Variants in ABCA6 observed in about 807,000 individuals in gnomAD.
ABCA6 encodes the protein ATP binding cassette subfamily A member 6.
A neutral mutation model predicts 191.2 loss-of-function variants in ABCA6; 164 were observed. That is an observed-to-expected ratio of 0.86 (90% CI 0.76 to 0.98). The LOEUF (loss-of-function observed/expected upper bound fraction) is 0.98. Ranked by LOEUF, ABCA6 falls within the 50% of genes least tolerant of loss-of-function variation. The probability of loss-of-function intolerance (pLI) is 0.00; values close to 1 mark genes in which losing one functional copy is unlikely to be tolerated. For synonymous variants in ABCA6, 636 were observed against 647.7 expected (o/e 0.98, Z 0.27); for missense variants, 1,958 against 1,894.1 (o/e 1.03, Z -0.63).
chr17:69,079,376 G>A, intron 37 of ABCA6, 111 bp from the exon 38 acceptor site: 1 of 738,900 alleles, frequency 1.4e-6, no homozygotes, highest in Non-Finnish European at 2.1e-6. Flanking sequence ...AAATAAAGCT[G>A]AATAAGCCAA....
intron 15 of ABCA6, 169 bp from the exon 16 acceptor site, chr17:69,112,442 A>G (rs1384418141): frequency 1.9e-6 from 1 of 536,140 alleles, no homozygotes; most frequent in African/African-American, 1.9e-5. Flanking sequence ...AAATTGATGC[A>G]TTTAAAATGA....
intron 6 of ABCA6, among the ~76,000 whole-genome samples, chr17:69,130,043 C>T (rs757073290): frequency 3.9e-5 from 6 of 151,984 alleles, no homozygotes; most frequent in Admixed American, 2.6e-4. Context: ...AGGCCAGGCA[C>T]GGTGGCTCAT....
chr17:69,141,788 C>A lies in ABCA6; in HGVS notation c.-89G>T, dbSNP rs1347349047. 6.6e-6 allele frequency: 1 copy of A among 152,044 alleles called. No individual in the cohort carries two copies. Among genetic ancestry groups the A allele is most frequent in the African/African-American group, 2.4e-5 (1 of 41,434 alleles). 9.4% of individuals were successfully genotyped at this position (152,044 alleles called of 1,614,324 possible). ...AAGCACTCTAGAAACACTGTCAAAA[C>A]CAGTTCTCTGTTTGTCTAGGTAACG... is the stretch of plus-strand genomic sequence containing the variant. On this transcript the variant is annotated 5_prime_UTR_variant, in exon 1 of 39. Transcript: ENST00000284425.
chr17:69,107,863 A>C (rs771032977), intron 17 of ABCA6, 51 bp from the exon 18 acceptor site: 2 of 1,007,392 alleles, frequency 2.0e-6, no homozygotes, highest in Non-Finnish European at 3.1e-6. Flanking sequence ...ATTGAGAACT[A>C]AACCAAGTAA....
intron 15 of ABCA6, 85 bp from the exon 16 acceptor site, chr17:69,112,358 GA>G (rs2073441278): frequency 5.9e-6 from 6 of 1,014,256 alleles, no homozygotes; most frequent in Non-Finnish European, 9.2e-6. Flanking sequence ...CCAAGGCTCA[GA>G]AGTGCAAAGG....
chr17:69,138,119 T>G (rs1011481123), intron 2 of ABCA6, among the ~76,000 whole-genome samples: 1 of 152,180 alleles, frequency 6.6e-6, no homozygotes, highest in Non-Finnish European at 1.5e-5. Flanking sequence ...ATTCTCACTG[T>G]CCTGGTCCCA....
At chr17:69,121,270 T>C (rs1238321077) in intron 10 of ABCA6, among the ~76,000 whole-genome samples, 1 of 152,084 alleles carries the variant, frequency 6.6e-6, no homozygotes, top group Non-Finnish European at 1.5e-5. Context: ...AGAAACTGCA[T>C]ATACTGTTGG....
chr17:69,105,716 G>T, intron 19 of ABCA6, 88 bp from the exon 20 acceptor site: 1 of 1,032,302 alleles, frequency 9.7e-7, no homozygotes, highest in Non-Finnish European at 1.4e-6. Context: ...TGAGTGCCAA[G>T]CCTGCCTTAT....
chr17:69,096,922 T>TA (rs937508145), intron 23 of ABCA6, 121 bp from the exon 24 acceptor site: 21 of 828,234 alleles, frequency 2.5e-5, no homozygotes, highest in African/African-American at 9.1e-5. Flanking sequence ...CTTCTAATAT[T>TA]AAAAAAAATT....
intron 22 of ABCA6, among the ~76,000 whole-genome samples, chr17:69,098,827 A>G (rs1054865968): frequency 6.6e-6 from 1 of 152,152 alleles, no homozygotes; most frequent in Non-Finnish European, 1.5e-5. Flanking sequence ...GCTAATTGGC[A>G]TCGAGTTTCA....
chr17:69,127,064 T>C (rs1463998028), intron 8 of ABCA6, among the ~76,000 whole-genome samples: 1 of 152,208 alleles, frequency 6.6e-6, no homozygotes, highest in African/African-American at 2.4e-5. Context: ...GATAGTCTAG[T>C]TGATAAATTG....
chr17:69,129,775 T>A, intron 6 of ABCA6, 24 bp from the exon 7 acceptor site: 1 of 1,517,902 alleles, frequency 6.6e-7, no homozygotes. Flanking sequence ...AAAAGTTATA[T>A]AAATTATGTT....
chr17:69,086,692 C>G lies in ABCA6; in HGVS notation c.3863G>C (p.Gly1288Ala), dbSNP rs2072801388. Residue 1288 changes from glycine (G) to alanine (A), a missense_variant, in exon 30 of 39, where the codon GGC (glycine) becomes GCC (alanine). By Grantham distance (60) the Gly-to-Ala change is moderately conservative (BLOSUM62 0). Transcript: ENST00000284425. ...IASCLHKEYA[G>A]QKKSCFSKRK... ...CTTTGAAAAGCAACTTTTCTTCTGG[C>G]CTGCATATTCTTTGTGTAGACAGCT... 1.2e-6 allele frequency: 2 copies of G among 1,612,546 alleles called. No homozygotes were observed. The highest frequency in any genetic ancestry group is 2.7e-5 in the African/African-American group (2 of 74,792).
intron 25 of ABCA6, among the ~76,000 whole-genome samples, chr17:69,092,486 A>G (rs1415768443): frequency 6.6e-6 from 1 of 152,168 alleles, no homozygotes; most frequent in African/African-American, 2.4e-5. Flanking sequence ...GGAACAAGAG[A>G]GGAGTCTAAA....
At chr17:69,102,779 A>T in intron 21 of ABCA6, 56 bp downstream of exon 21, 2 of 1,504,856 alleles carry the variant, frequency 1.3e-6, no homozygotes, top group Non-Finnish European at 1.8e-6. Context: ...CAGTTTTAAA[A>T]CAGCTAAAAT....
At chr17:69,105,907 C>T in intron 19 of ABCA6, 121 bp downstream of exon 19, 2 of 1,109,376 alleles carry the variant, frequency 1.8e-6, no homozygotes, top group Non-Finnish European at 2.5e-6. Flanking sequence ...AAATTAAATG[C>T]TGAATTTATC....
In ABCA6 at chr17:69,100,849, T is replaced by A. The variant is rs1273847223; in HGVS notation, c.2960A>T (p.Gln987Leu). The change falls in exon 22 of 39, where the codon CAA (glutamine) becomes CTA (leucine). Residue 987 changes from glutamine (Q) to leucine (L), a missense_variant. Coordinates refer to ENST00000284425, the MANE Select transcript of ABCA6 (RefSeq NM_080284.3). ...AATATGTTGTGTGTGATTAAACATT[T>A]GAAGTAGCCCATTGCTGATAATATT... ...LMNIISNGLL[Q>L]MFNHTQHIRI... The A allele has an allele frequency of 6.2e-7, 1 of 1,612,762 alleles. No individual in the cohort carries two copies. Among genetic ancestry groups the A allele is most frequent in the African/African-American group, 1.3e-5 (1 of 74,872 alleles).
At chr17:69,102,807 T>C (rs781655778) in intron 21 of ABCA6, 28 bp downstream of exon 21, 1 of 1,558,432 alleles carries the variant, frequency 6.4e-7, no homozygotes, top group Admixed American at 2.2e-5. Context: ...TTTTTGTTTT[T>C]TTCATAAAAG....
rs868359127 is a variant in ABCA6 at position 69,079,973 on chromosome 17, G to A, written c.4697-708C>T. On this transcript the variant is annotated intron_variant, in intron 37 of 38. Coordinates refer to ENST00000284425, the MANE Select transcript of ABCA6 (RefSeq NM_080284.3). ...TCTTTTTTACCGGATGGTCAGAGAAGGCCACACTAATAAGGTAATAATTGA... is the reference window on the plus strand; with the variant it reads ...TCTTTTTTACCGGATGGTCAGAGAAAGCCACACTAATAAGGTAATAATTGA... Among the ~76,000 whole-genome samples, 4 of 152,246 alleles carry A rather than the reference G, an allele frequency of 2.6e-5. No individual in the cohort carries two copies. In the South Asian group the frequency reaches 8.3e-4, roughly 32 times the overall value.
Sources: gnomAD v4.1 joint callset for allele counts (sites outside exome capture counted in the v4.1 genomes callset) on GRCh38, gnomAD v4.1.1 for gene constraint, MANE v1.5 for transcripts, NCBI Gene and HGNC (gene_info 2026-07-23, HGNC 2026-07-21) for gene names.